The following MICAL3 variants were observed in gnomAD, a reference collection of about 807,000 sequenced individuals.
MICAL3 encodes microtubule associated monooxygenase, calponin and LIM domain containing 3.
Under a neutral mutation model 207.4 loss-of-function variants are expected in MICAL3, and 62 were observed. That is an observed-to-expected ratio of 0.30 (90% CI 0.24 to 0.37). The LOEUF (loss-of-function observed/expected upper bound fraction) is 0.37. Ranked by LOEUF, MICAL3 falls within the 10% of genes least tolerant of loss-of-function variation. The probability of loss-of-function intolerance (pLI) is 1.00; values close to 1 mark genes in which losing one functional copy is unlikely to be tolerated. For missense variants in MICAL3, 2,368 were observed against 2,635.6 expected, an observed-to-expected ratio of 0.90 and a Z score of 2.22; for synonymous variants, 1,077 against 1,069.3, an observed-to-expected ratio of 1.01 and a Z score of -0.14.
At position 17,863,489 on chromosome 22, in the gene MICAL3, G is replaced by A. The variant is rs550862993; in HGVS notation, c.2605+1410C>T. 9.1e-6 allele frequency: 9 copies of A among 985,384 alleles called. No individual in the cohort carries two copies. The East Asian group carries it at 9.1e-4, about 99-fold the overall frequency. 61.0% of individuals were successfully genotyped at this position (985,384 alleles called of 1,614,324 possible). A position where few individuals can be genotyped will look rare whatever the true frequency, so the allele number is the denominator to read the frequency against. On this transcript the variant is annotated intron_variant, in intron 19 of 31. Coordinates refer to ENST00000441493, the MANE Select transcript of MICAL3 (RefSeq NM_015241.3). ...GAGTGTCAGCTGCAAAGGCCTGTGG[G>A]TACTTCACGAGAAAGATGGATTATA...
At chr22:17,805,555 A>C (rs1272257017) in intron 29 of MICAL3, among the ~76,000 whole-genome samples, 1 of 152,238 alleles carries the variant, frequency 6.6e-6, no homozygotes, top group Non-Finnish European at 1.5e-5. Flanking sequence ...TTGGATAGAG[A>C]TATCTGCTGA....
chr22:17,876,988 TTAG>T (rs1928594828), intron 16 of MICAL3: 2 of 128,714 alleles, frequency 1.6e-5, no homozygotes, highest in African/African-American at 3.3e-5. Context: ...GTTAGGGAGG[TTAG>T]GGAGGTGAGG....
intron 1 of MICAL3, among the ~76,000 whole-genome samples, chr22:17,919,797 A>G (rs775884985): frequency 2.7e-4 from 41 of 152,238 alleles, no homozygotes; most frequent in Non-Finnish European, 5.1e-4. Flanking sequence ...TGCCATCAGA[A>G]GAGAGCCTGT....
intron 25 of MICAL3, among the ~76,000 whole-genome samples, chr22:17,819,735 C>G (rs912565688): frequency 2.1e-4 from 32 of 151,598 alleles, no homozygotes; most frequent in African/African-American, 6.8e-4. Flanking sequence ...GTCAGGAGAT[C>G]GAGACCATCC....
intron 13 of MICAL3, 97 bp from the exon 14 acceptor site, chr22:17,887,532 T>C: frequency 1.4e-6 from 1 of 729,102 alleles, no homozygotes; most frequent in Non-Finnish European, 2.3e-6. Context: ...TCGCAGAGCC[T>C]CAGAAGGCTC....
At chr22:17,808,110 T>C (rs1351194488) in intron 29 of MICAL3, among the ~76,000 whole-genome samples, 2 of 152,244 alleles carry the variant, frequency 1.3e-5, no homozygotes, top group Non-Finnish European at 2.9e-5. Context: ...GGCACTCCCT[T>C]GCATTCTCTG....
At chr22:17,822,562 G>A (rs2216358) in intron 23 of MICAL3, among the ~76,000 whole-genome samples, 1 of 152,186 alleles carries the variant, frequency 6.6e-6, no homozygotes, top group Non-Finnish European at 1.5e-5. Context: ...CCACAGCTGA[G>A]GCCTGCGCCC....
Position 17,890,380 on chromosome 22 carries a change from T to C in MICAL3, c.1694+1105A>G, listed in dbSNP as rs139157243. Reference sequence around the variant, plus strand: ...CCTGCTAGGCTCCCTCAACCACTTCTGCCTGTTCCCTTTGGAACAGAGCTG... The same window carrying C: ...CCTGCTAGGCTCCCTCAACCACTTCCGCCTGTTCCCTTTGGAACAGAGCTG... On this transcript the variant is annotated intron_variant, in intron 12 of 31. Coordinates refer to ENST00000441493, the MANE Select transcript of MICAL3 (RefSeq NM_015241.3). Among the ~76,000 whole-genome samples the C allele has an allele frequency of 1.7e-3, 258 of 152,286 alleles. 1 individual carries two copies. Among genetic ancestry groups the C allele is most frequent in the African/African-American group, 5.9e-3 (243 of 41,532 alleles).
At chr22:17,862,307 T>G (rs1926607246) in intron 19 of MICAL3, 11 of 922,632 alleles carry the variant, frequency 1.2e-5, no homozygotes, top group Non-Finnish European at 1.3e-5. Flanking sequence ...CAGGCTGGAG[T>G]GCAGTGGTGT....
chr22:17,892,821 A>ACCTCTCAAC (rs1328343155), intron 11 of MICAL3, among the ~76,000 whole-genome samples: 3 of 151,976 alleles, frequency 2.0e-5, no homozygotes, highest in Non-Finnish European at 4.4e-5. Context: ...AATGACTCAA[A>ACCTCTCAAC]CCTCTCAACC....
chr22:17,875,123 G>GTGAA (rs1382281418), intron 16 of MICAL3: 1 of 166,672 alleles, frequency 6.0e-6, no homozygotes, highest in East Asian at 1.6e-4. Context: ...TGGAAGACAT[G>GTGAA]TGAAGTTAAA....
chr22:17,937,108 C>G (rs996766206), intron 1 of MICAL3, among the ~76,000 whole-genome samples: 1 of 152,208 alleles, frequency 6.6e-6, no homozygotes, highest in African/African-American at 2.4e-5. Flanking sequence ...GATACAGAAA[C>G]AGAAGTCAAG....
intron 1 of MICAL3, among the ~76,000 whole-genome samples, chr22:17,928,475 C>T (rs1018116834): frequency 6.6e-6 from 1 of 151,808 alleles, no homozygotes; most frequent in Non-Finnish European, 1.5e-5. Context: ...AAAGAAACAC[C>T]TGTCTGCATG....
In MICAL3 at chr22:17,891,583, T is replaced by C; in HGVS notation, c.1596A>G (p.Thr532=). 2 of 1,614,056 alleles carry C rather than the reference T, an allele frequency of 1.2e-6. No homozygotes were observed. The highest frequency in any genetic ancestry group is 1.7e-6 in the Non-Finnish European group (2 of 1,179,894). ...SKLLGWCQRQ[T]DGYAGVNVTD... ...TCACGTTTACCCCTGCATAGCCATCTGTCTGCCTCTGGCACCAACCCAGCA... is the reference window on the plus strand; with the variant it reads ...TCACGTTTACCCCTGCATAGCCATCCGTCTGCCTCTGGCACCAACCCAGCA... Residue 532 remains threonine (T), a synonymous_variant, in exon 12 of 32, where the codon ACA becomes ACG. Transcript: ENST00000441493.
At chr22:17,956,842 G>C (rs1056201280) in intron 1 of MICAL3, among the ~76,000 whole-genome samples, 8 of 152,320 alleles carry the variant, frequency 5.3e-5, no homozygotes, top group African/African-American at 1.9e-4. Flanking sequence ...ACCAACTGGA[G>C]AAAGATTTCC....
At chr22:17,937,439 A>G (rs1933590535) in intron 1 of MICAL3, among the ~76,000 whole-genome samples, 2 of 152,122 alleles carry the variant, frequency 1.3e-5, no homozygotes, top group South Asian at 4.1e-4. Flanking sequence ...CAAGGTGGGC[A>G]GATCACCTGA....
At chr22:17,996,484 G>T (rs1286703872) in intron 1 of MICAL3, among the ~76,000 whole-genome samples, 1 of 152,094 alleles carries the variant, frequency 6.6e-6, no homozygotes, top group African/African-American at 2.4e-5. Context: ...AAGGCTTGGG[G>T]TGACAGTTTC....
intron 30 of MICAL3, 49 bp downstream of exon 30, chr22:17,791,153 C>G (rs1380983849): frequency 6.2e-7 from 1 of 1,605,586 alleles, no homozygotes; most frequent in African/African-American, 1.3e-5. Context: ...GACCTCCATG[C>G]CGGCTGTGAC....
chr22:17,912,050 C>A (rs1303738612), intron 1 of MICAL3, among the ~76,000 whole-genome samples: 1 of 151,894 alleles, frequency 6.6e-6, no homozygotes. Flanking sequence ...GTGCATGAGG[C>A]TGAAGCAGGA....
Sources: allele counts gnomAD v4.1 joint callset (sites outside exome capture counted in the v4.1 genomes callset), GRCh38; gene constraint gnomAD v4.1.1; transcripts MANE v1.5; gene names NCBI Gene and HGNC (gene_info 2026-07-23, HGNC 2026-07-21).